Variants in SUPT3H observed in about 807,000 individuals in gnomAD.
The protein encoded by SUPT3H is SPT3 homolog, SAGA and STAGA complex component.
A neutral mutation model predicts 44.3 loss-of-function variants in SUPT3H; 44 were observed. That is an observed-to-expected ratio of 0.99 (90% CI 0.78 to 1.28). The LOEUF is 1.28. Among genes scored for constraint, SUPT3H ranks in the 50% most tolerant of loss-of-function variants. The pLI is 0.00. For missense variants in SUPT3H, 380 were observed against 387.1 expected (o/e 0.98, Z 0.15); for synonymous variants, 124 against 125.6 (o/e 0.99, Z 0.09).
intron 6 of SUPT3H, among the ~76,000 whole-genome samples, chr6:44,992,971 C>T (rs997309174): frequency 6.6e-6 from 1 of 151,988 alleles, no homozygotes; most frequent in Non-Finnish European, 1.5e-5. Flanking sequence ...TGAGACCAGC[C>T]TGGACAACAT....
intron 2 of SUPT3H, among the ~76,000 whole-genome samples, chr6:45,294,293 A>G (rs1780767514): frequency 6.6e-6 from 1 of 152,222 alleles, no homozygotes; most frequent in Admixed American, 6.5e-5. Context: ...TTTATGATTA[A>G]AACTCTTGGC....
intron 2 of SUPT3H, among the ~76,000 whole-genome samples, chr6:45,128,645 A>G (rs1166460344): frequency 1.4e-5 from 2 of 146,490 alleles, no homozygotes; most frequent in African/African-American, 2.5e-5. Context: ...ATTATCCACA[A>G]GAGTCCAGTC....
chr6:45,179,921 C>T (rs1029217236), intron 2 of SUPT3H, among the ~76,000 whole-genome samples: 6 of 152,194 alleles, frequency 3.9e-5, no homozygotes, highest in Non-Finnish European at 5.9e-5. Context: ...AAGAGGAAGT[C>T]AAATTGTCCC....
chr6:45,237,247 A>C (rs942910520), intron 2 of SUPT3H, among the ~76,000 whole-genome samples: 1 of 152,222 alleles, frequency 6.6e-6, no homozygotes. Context: ...GGACATTTCA[A>C]TCATTTCTCT....
At chr6:44,906,031 G>A (rs1301426121) in intron 10 of SUPT3H, among the ~76,000 whole-genome samples, 1 of 152,088 alleles carries the variant, frequency 6.6e-6, no homozygotes, top group Non-Finnish European at 1.5e-5. Context: ...GTTGTGCGGT[G>A]GGGGGATGGG....
At chr6:45,139,021 A>G (rs1375625316) in intron 2 of SUPT3H, among the ~76,000 whole-genome samples, 1 of 152,166 alleles carries the variant, frequency 6.6e-6, no homozygotes, top group Non-Finnish European at 1.5e-5. Context: ...ATTGTAGAAG[A>G]AAAAAATTCC....
At chr6:45,339,240 C>A (rs1789261015) in intron 2 of SUPT3H, among the ~76,000 whole-genome samples, 1 of 152,014 alleles carries the variant, frequency 6.6e-6, no homozygotes, top group African/African-American at 2.4e-5. Flanking sequence ...ACAGTGGTAT[C>A]CAAATCTGGC....
chr6:44,886,586 C>T lies in SUPT3H; in HGVS notation c.912+46067G>A, dbSNP rs1054943812. Among the ~76,000 whole-genome samples the T allele has an allele frequency of 2.0e-5, 3 of 152,158 alleles. No homozygotes were observed. The East Asian group carries it at 5.8e-4, about 29-fold the overall frequency. ...AAATGCTGAGAGATTTTGTCACCACCAGGCCTGCCCTAAAAGAGCTCCTGA... is the reference window on the plus strand; with the variant it reads ...AAATGCTGAGAGATTTTGTCACCACTAGGCCTGCCCTAAAAGAGCTCCTGA... On this transcript the variant is annotated intron_variant, in intron 10 of 10. Coordinates refer to ENST00000371459, the MANE Select transcript of SUPT3H (RefSeq NM_003599.4).
chr6:45,063,046 G>T (rs1274230976), intron 3 of SUPT3H, among the ~76,000 whole-genome samples: 1 of 150,300 alleles, frequency 6.7e-6, no homozygotes, highest in Non-Finnish European at 1.5e-5. Context: ...AACCTCTGCA[G>T]ACTTAAGTGT....
intron 2 of SUPT3H, among the ~76,000 whole-genome samples, chr6:45,321,266 T>C (rs1164393171): frequency 6.6e-6 from 1 of 152,138 alleles, no homozygotes; most frequent in Non-Finnish European, 1.5e-5. Flanking sequence ...TAAAAATTTA[T>C]TTATACATGA....
intron 6 of SUPT3H, among the ~76,000 whole-genome samples, chr6:44,965,027 T>C (rs1776587808): frequency 6.6e-6 from 1 of 152,248 alleles, no homozygotes; most frequent in Non-Finnish European, 1.5e-5. Flanking sequence ...TTTATTCCAA[T>C]GTTTTCCTTT....
chr6:45,055,072 T>C (rs1180075903), intron 3 of SUPT3H, among the ~76,000 whole-genome samples: 3 of 152,110 alleles, frequency 2.0e-5, no homozygotes, highest in Non-Finnish European at 4.4e-5. Context: ...TCAGTGGTTA[T>C]ATACAGAAAG....
intron 2 of SUPT3H, among the ~76,000 whole-genome samples, chr6:45,308,377 C>T (rs1001047714): frequency 3.9e-5 from 6 of 152,186 alleles, no homozygotes; most frequent in Non-Finnish European, 8.8e-5. Context: ...AAAGGGAAGA[C>T]CATCAGACTA....
At chr6:45,176,855 C>T (rs148183869) in intron 2 of SUPT3H, among the ~76,000 whole-genome samples, 5 of 152,034 alleles carry the variant, frequency 3.3e-5, no homozygotes, top group African/African-American at 4.8e-5. Context: ...TGCAGCTGAG[C>T]GTCCTGTCTG....
chr6:45,325,133 T>C (rs1786151574), intron 2 of SUPT3H, among the ~76,000 whole-genome samples: 1 of 151,832 alleles, frequency 6.6e-6, no homozygotes, highest in Non-Finnish European at 1.5e-5. Flanking sequence ...AACCTCATAA[T>C]CAGAACATTT....
At chr6:45,266,934 C>T (rs1176561566) in intron 2 of SUPT3H, among the ~76,000 whole-genome samples, 3 of 152,016 alleles carry the variant, frequency 2.0e-5, no homozygotes, top group East Asian at 1.9e-4. Flanking sequence ...CACAACTGAC[C>T]TCATGTGACA....
At chr6:45,043,202 T>A (rs1788860593) in intron 3 of SUPT3H, among the ~76,000 whole-genome samples, 2 of 143,132 alleles carry the variant, frequency 1.4e-5, no homozygotes, top group African/African-American at 2.6e-5. Flanking sequence ...CCAAGGCAAA[T>A]TACAAAAAGA....
chr6:45,048,844 C>T lies in SUPT3H; in HGVS notation c.187-28212G>A, dbSNP rs376708962. ...GTGGAATCTAAAACGTTTGACCTCACGGAAGTAGAGAGTAGAATGATGGTT... is the reference window on the plus strand; with the variant it reads ...GTGGAATCTAAAACGTTTGACCTCATGGAAGTAGAGAGTAGAATGATGGTT... On this transcript the variant is annotated intron_variant, in intron 3 of 10. Transcript: ENST00000371459. Among the ~76,000 whole-genome samples, 154 of 151,466 alleles carry T rather than the reference C, an allele frequency of 1.0e-3. 5 individuals are homozygous for T. In the South Asian group the frequency reaches 0.031, roughly 31 times the overall value.
rs1554339652 is a variant in SUPT3H, at chr6:45,315,922, C to CAGACAGAT, written c.101+49278_101+49279insATCTGTCT. Among the ~76,000 whole-genome samples, 1,222 of 145,580 alleles carry CAGACAGAT rather than the reference C, an allele frequency of 8.4e-3. 12 individuals are homozygous for CAGACAGAT. Among genetic ancestry groups the CAGACAGAT allele is most frequent in the African/African-American group, 0.028 (1,088 of 38,822 alleles). On this transcript the variant is annotated intron_variant, in intron 2 of 10. Coordinates refer to ENST00000371459, the MANE Select transcript of SUPT3H (RefSeq NM_003599.4). ...GAGTGGATAAAGAAGCTCAGATAGA[C>CAGACAGAT]AGATAGATAGATAGATAGATAGATA...
Sources: gnomAD v4.1 joint callset for allele counts (sites outside exome capture counted in the v4.1 genomes callset) on GRCh38, gnomAD v4.1.1 for gene constraint, MANE v1.5 for transcripts, NCBI Gene and HGNC (gene_info 2026-07-23, HGNC 2026-07-21) for gene names.